RAB10: variants seen among roughly 807,000 people sequenced by gnomAD.
RAB10 encodes RAB10, member RAS oncogene family.
A neutral mutation model predicts 25.7 loss-of-function variants in RAB10; 5 were observed. That is an observed-to-expected ratio of 0.19 (90% confidence interval 0.10 to 0.41). The LOEUF (loss-of-function observed/expected upper bound fraction) is 0.41, where lower values mean the gene tolerates loss of function less well. Ranked by LOEUF, RAB10 falls within the 10% of genes least tolerant of loss-of-function variation. RAB10 has a pLI of 1.00. For missense variants in RAB10, 103 were observed against 245.8 expected, an observed-to-expected ratio of 0.42 and a Z score of 3.89; for synonymous variants, 89 against 86.4, an observed-to-expected ratio of 1.03 and a Z score of -0.16.
chr2:26,034,992 TC>T (rs1452526719), intron 1 of RAB10, among the ~76,000 whole-genome samples: 1 of 152,214 alleles, frequency 6.6e-6, no homozygotes, highest in African/African-American at 2.4e-5. Flanking sequence ...TTAACCATGT[TC>T]CAGAACCTTA....
At chr2:26,053,396 T>C (rs904594375) in intron 1 of RAB10, among the ~76,000 whole-genome samples, 1 of 152,080 alleles carries the variant, frequency 6.6e-6, no homozygotes, top group Non-Finnish European at 1.5e-5. Flanking sequence ...GGAAATGGAG[T>C]ATTTTTGCTT....
At chr2:26,120,274 A>G (rs1041127674) in intron 3 of RAB10, among the ~76,000 whole-genome samples, 8 of 152,128 alleles carry the variant, frequency 5.3e-5, no homozygotes, top group Admixed American at 2.0e-4. Context: ...AGCAGCTGGG[A>G]GCTTTTAAAA....
chr2:26,063,961 C>T (rs1666462251), intron 1 of RAB10, among the ~76,000 whole-genome samples: 1 of 152,114 alleles, frequency 6.6e-6, no homozygotes, highest in African/African-American at 2.4e-5. Flanking sequence ...TTATGCCTAG[C>T]TAATTTTTGT....
chr2:26,114,515 G>A (rs1031400388), intron 3 of RAB10, among the ~76,000 whole-genome samples: 3 of 152,072 alleles, frequency 2.0e-5, no homozygotes, highest in Admixed American at 1.3e-4. Context: ...CCAACAAATG[G>A]TGCTGGGAAA....
chr2:26,065,483 C>G (rs1666495347), intron 1 of RAB10, among the ~76,000 whole-genome samples: 1 of 104,376 alleles, frequency 9.6e-6, no homozygotes, highest in African/African-American at 3.5e-5. Flanking sequence ...TTGCCAAAGA[C>G]TTCAAAACCT....
chr2:26,090,003 A>G (rs918056027), intron 1 of RAB10, among the ~76,000 whole-genome samples: 2 of 152,140 alleles, frequency 1.3e-5, no homozygotes, highest in Non-Finnish European at 2.9e-5. Context: ...TTTCATATAA[A>G]TTCTAATACT....
chr2:26,053,504 A>G (rs1391092223), intron 1 of RAB10, among the ~76,000 whole-genome samples: 1 of 152,232 alleles, frequency 6.6e-6, no homozygotes, highest in Non-Finnish European at 1.5e-5. Flanking sequence ...CGGCAAATTC[A>G]TAATCTATTA....
chr2:26,106,258 T>C (rs1323067838), intron 2 of RAB10, among the ~76,000 whole-genome samples: 2 of 152,214 alleles, frequency 1.3e-5, no homozygotes, highest in Admixed American at 1.3e-4. Context: ...CTAGTATTTA[T>C]ATGGGAAGGC....
At chr2:26,073,034 A>T (rs188308314) in intron 1 of RAB10, among the ~76,000 whole-genome samples, 1 of 152,190 alleles carries the variant, frequency 6.6e-6, no homozygotes, top group Non-Finnish European at 1.5e-5. Flanking sequence ...CATTGCTTCT[A>T]TGTAATAGAT....
chr2:26,110,513 G>A lies in RAB10; in HGVS notation c.327+607G>A, dbSNP rs551758564. Among the ~76,000 whole-genome samples, 115 of 152,086 alleles carry A rather than the reference G, an allele frequency of 7.6e-4. 1 individual carries two copies. Among genetic ancestry groups the A allele is most frequent in the Middle Eastern group, 3.4e-3 (1 of 294 alleles). On this transcript the variant is annotated intron_variant, in intron 3 of 5. Coordinates refer to ENST00000264710, the MANE Select transcript of RAB10 (RefSeq NM_016131.5). ...CCAGTGATTTTACAATGATTTTCTG[G>A]AAATGAATTTTTTCTTAATAAATTT...
intron 1 of RAB10, among the ~76,000 whole-genome samples, chr2:26,057,368 G>C (rs1419985491): frequency 6.6e-6 from 1 of 151,518 alleles, no homozygotes; most frequent in Non-Finnish European, 1.5e-5. Flanking sequence ...ATTTGAGGTT[G>C]CATTGTGCAC....
intron 1 of RAB10, among the ~76,000 whole-genome samples, chr2:26,067,540 A>C (rs1463723818): frequency 6.6e-6 from 1 of 152,172 alleles, no homozygotes; most frequent in African/African-American, 2.4e-5. Flanking sequence ...AACAGCCTTG[A>C]ATATTCTCCT....
chr2:26,080,924 C>T (rs1361764085), intron 1 of RAB10, among the ~76,000 whole-genome samples: 3 of 152,140 alleles, frequency 2.0e-5, no homozygotes, highest in Non-Finnish European at 4.4e-5. Context: ...TTGATATGGT[C>T]TGGCTGTTGA....
chr2:26,100,761 G>T (rs1383045533), intron 2 of RAB10, among the ~76,000 whole-genome samples: 1 of 151,924 alleles, frequency 6.6e-6, no homozygotes, highest in African/African-American at 2.4e-5. Flanking sequence ...ATTTTAAGAA[G>T]ACCTGGATGT....
chr2:26,039,376 C>T (rs1338619206), intron 1 of RAB10, among the ~76,000 whole-genome samples: 1 of 151,140 alleles, frequency 6.6e-6, no homozygotes, highest in African/African-American at 2.4e-5. Context: ...GATGGAGTAT[C>T]ACTGTGTTGC....
intron 3 of RAB10, among the ~76,000 whole-genome samples, chr2:26,120,117 C>T (rs1282635489): frequency 1.3e-5 from 2 of 152,172 alleles, no homozygotes; most frequent in Non-Finnish European, 2.9e-5. Context: ...ACCTAACTTA[C>T]AGGTGTTCTT....
intron 1 of RAB10, among the ~76,000 whole-genome samples, chr2:26,097,067 CTT>C (rs1363466649): frequency 2.0e-5 from 3 of 152,024 alleles, no homozygotes; most frequent in Admixed American, 6.6e-5. Context: ...AGATACAAAA[CTT>C]AGCTAGACAT....
At chr2:26,061,605 G>A (rs1666395864) in intron 1 of RAB10, among the ~76,000 whole-genome samples, 1 of 152,036 alleles carries the variant, frequency 6.6e-6, no homozygotes, top group African/African-American at 2.4e-5. Flanking sequence ...TTCCCAGGCT[G>A]GTCTCGAACT....
intron 3 of RAB10, among the ~76,000 whole-genome samples, chr2:26,121,334 C>T (rs1574561834): frequency 6.6e-6 from 1 of 152,076 alleles, no homozygotes; most frequent in Non-Finnish European, 1.5e-5. Flanking sequence ...CCTTGAACTG[C>T]AGGTTCACTT....
Sources: allele counts gnomAD v4.1 joint callset (sites outside exome capture counted in the v4.1 genomes callset), GRCh38; gene constraint gnomAD v4.1.1; transcripts MANE v1.5; gene names NCBI Gene and HGNC (gene_info 2026-07-23, HGNC 2026-07-21).